GLYATL3: variants seen among roughly 807,000 people sequenced by gnomAD.
The protein encoded by GLYATL3 is glycine-N-acyltransferase like 3.
A neutral mutation model predicts 28.5 loss-of-function variants in GLYATL3; 31 were observed. The ratio of observed to expected loss-of-function variants is 1.09; its 90% confidence interval spans 0.82 to 1.47. GLYATL3 has a LOEUF of 1.47. Ranked by LOEUF, GLYATL3 falls within the 40% of genes most tolerant of loss-of-function variation. The pLI, the probability that GLYATL3 is intolerant of heterozygous loss-of-function variation, is 0.00. For missense variants in GLYATL3, 369 were observed against 351.5 expected (o/e 1.05, Z -0.40); for synonymous variants, 141 against 140.2 (o/e 1.01, Z -0.04).
intron 1 of GLYATL3, among the ~76,000 whole-genome samples, chr6:49,510,577 C>T (rs772351657): frequency 5.3e-5 from 8 of 152,072 alleles, no homozygotes. Context: ...AAATGTATTT[C>T]AAATAAGTAT....
chr6:49,523,452 C>T (rs1769350487), intron 5 of GLYATL3, among the ~76,000 whole-genome samples: 1 of 152,180 alleles, frequency 6.6e-6, no homozygotes, highest in Admixed American at 6.5e-5. Context: ...ATTTCCTAGA[C>T]TCGCAGAAGG....
At chr6:49,505,574 A>G (rs1561975600) in intron 1 of GLYATL3, among the ~76,000 whole-genome samples, 1 of 152,240 alleles carries the variant, frequency 6.6e-6, no homozygotes, top group Non-Finnish European at 1.5e-5. Context: ...TTTCCTAGAA[A>G]TTGAAAGAAT....
chr6:49,511,413 G>A (rs534573643), intron 1 of GLYATL3, among the ~76,000 whole-genome samples: 3 of 151,960 alleles, frequency 2.0e-5, no homozygotes, highest in Admixed American at 6.6e-5. Flanking sequence ...TCCTCATAAC[G>A]ACCCGACCCA....
chr6:49,526,509 A>AAT lies in GLYATL3; in HGVS notation c.463_464insTA (p.Thr155IlefsTer4), dbSNP rs1769416526. ...CTAGCAAGGGGCCTTCCCCACGACT[A>AAT]ACCTACCTGAGTGTTGCCAATGCGG... is the stretch of plus-strand genomic sequence containing the variant. On this transcript the variant is annotated frameshift_variant, in exon 6 of 6. Transcript: ENST00000371197. LOFTEE classifies it high-confidence loss of function. The AAT allele has an allele frequency of 6.4e-7, 1 of 1,551,510 alleles. No homozygotes were observed. The highest frequency in any genetic ancestry group is 1.4e-5 in the African/African-American group (1 of 73,046).
intron 1 of GLYATL3, among the ~76,000 whole-genome samples, chr6:49,506,664 C>T (rs1554164704): frequency 2.6e-5 from 4 of 151,900 alleles, no homozygotes; most frequent in Non-Finnish European, 5.9e-5. Context: ...ATTTTCCTGA[C>T]TTTTTTTTGT....
Position 49,515,697 on chromosome 6 carries a change from A to G in GLYATL3, c.123A>G (p.Gln41=). Residue 41 remains glutamine, a synonymous_variant, in exon 3 of 6, where the codon CAA becomes CAG. Transcript: ENST00000371197. ...ACATAAATCGTGGGAACCCCTTTCAAAAGGAAGTGGTGTTGGATTCATGGC... is the reference window on the plus strand; with the variant it reads ...ACATAAATCGTGGGAACCCCTTTCAGAAGGAAGTGGTGTTGGATTCATGGC... The part of the protein sequence containing the change: ...VMNINRGNPF[Q]KEVVLDSWPD... 1 of 1,551,498 alleles carries G rather than the reference A, an allele frequency of 6.4e-7. No individual in the cohort carries two copies. Among genetic ancestry groups the G allele is most frequent in the Non-Finnish European group, 8.7e-7 (1 of 1,146,732 alleles).
intron 1 of GLYATL3, among the ~76,000 whole-genome samples, chr6:49,509,494 G>T (rs1422747520): frequency 6.6e-6 from 1 of 152,116 alleles, no homozygotes; most frequent in Non-Finnish European, 1.5e-5. Flanking sequence ...ACCAATAAGT[G>T]CTATGCTTTT....
At chr6:49,512,669 T>C (rs1769146281) in intron 2 of GLYATL3, among the ~76,000 whole-genome samples, 1 of 152,178 alleles carries the variant, frequency 6.6e-6, no homozygotes, top group African/African-American at 2.4e-5. Flanking sequence ...GAAATTGCCT[T>C]TAAGAGCTGA....
intron 1 of GLYATL3, among the ~76,000 whole-genome samples, chr6:49,511,270 T>A (rs1331456571): frequency 1.3e-5 from 2 of 152,206 alleles, no homozygotes; most frequent in South Asian, 4.1e-4. Context: ...TCTAATTGCA[T>A]GAGAACAGAT....
chr6:49,523,184 G>C (rs570963371), intron 5 of GLYATL3, among the ~76,000 whole-genome samples: 2 of 152,286 alleles, frequency 1.3e-5, no homozygotes, highest in Non-Finnish European at 2.9e-5. Flanking sequence ...GAGGAAGCCA[G>C]GCACAAGCTT....
intron 5 of GLYATL3, among the ~76,000 whole-genome samples, chr6:49,526,086 C>T (rs1769406205): frequency 1.3e-5 from 2 of 152,118 alleles, no homozygotes; most frequent in Non-Finnish European, 2.9e-5. Flanking sequence ...TAGGTGCCCT[C>T]TCAGGGATGG....
At chr6:49,509,614 G>A (rs928675298) in intron 1 of GLYATL3, among the ~76,000 whole-genome samples, 4 of 152,230 alleles carry the variant, frequency 2.6e-5, no homozygotes, top group Non-Finnish European at 4.4e-5. Context: ...CAAACAAGAA[G>A]ACAGAGCATT....
rs1769315255 is a variant in GLYATL3 at position 49,521,523 on chromosome 6, A to T, written c.314-122A>T. On this transcript the variant is annotated intron_variant, in intron 4 of 5. Coordinates refer to ENST00000371197, the MANE Select transcript of GLYATL3 (RefSeq NM_001010904.2). ...TAGATGTAAGTATACAGTGGTTAGG[A>T]TAATACAAGGTGGCAAACTGCTAGT... 11 of 758,704 alleles carry T rather than the reference A, an allele frequency of 1.4e-5. No homozygotes were observed. The South Asian group carries it at 2.1e-4, about 15-fold the overall frequency. The allele number at this position is 758,704 out of a possible 1,614,324, so 47.0% of individuals were successfully genotyped here. A position where few individuals can be genotyped will look rare whatever the true frequency, so the allele number is the denominator to read the frequency against.
chr6:49,511,415 C>T (rs1041651969), intron 1 of GLYATL3, among the ~76,000 whole-genome samples: 1 of 152,156 alleles, frequency 6.6e-6, no homozygotes, highest in Non-Finnish European at 1.5e-5. Flanking sequence ...CTCATAACGA[C>T]CCGACCCACT....
intron 2 of GLYATL3, among the ~76,000 whole-genome samples, chr6:49,512,595 C>T (rs1421607965): frequency 6.6e-6 from 1 of 152,092 alleles, no homozygotes; most frequent in East Asian, 1.9e-4. Context: ...GGTGGCACTG[C>T]AGTTAAGAAC....
intron 5 of GLYATL3, among the ~76,000 whole-genome samples, chr6:49,523,185 G>C (rs989982460): frequency 6.6e-6 from 1 of 152,146 alleles, no homozygotes; most frequent in South Asian, 2.1e-4. Context: ...AGGAAGCCAG[G>C]CACAAGCTTC....
chr6:49,527,405 C>T lies in GLYATL3; in HGVS notation c.*491C>T, dbSNP rs867771660. Among the ~76,000 whole-genome samples, 1 of 152,176 alleles carries T rather than the reference C, an allele frequency of 6.6e-6. No homozygotes were observed. The highest frequency in any genetic ancestry group is 2.1e-4 in the South Asian group (1 of 4,822). On this transcript the variant is annotated 3_prime_UTR_variant, in exon 6 of 6. Coordinates refer to ENST00000371197, the MANE Select transcript of GLYATL3 (RefSeq NM_001010904.2). Reference sequence around the variant, plus strand: ...TGCCACCAAGTTCTCTGTAGAGTAACCTCCTTTTTCCCCTTTAATTACTTG... The same window carrying T: ...TGCCACCAAGTTCTCTGTAGAGTAATCTCCTTTTTCCCCTTTAATTACTTG...
At chr6:49,517,354 C>T (rs577649637) in intron 3 of GLYATL3, 76 bp from the exon 4 acceptor site, 72 of 1,276,540 alleles carry the variant, frequency 5.6e-5, no homozygotes, top group South Asian at 5.5e-4. Flanking sequence ...GTCCAGCTAA[C>T]GGTATCTAAT....
At chr6:49,517,870 G>A (rs1769245697) in intron 4 of GLYATL3, among the ~76,000 whole-genome samples, 1 of 152,118 alleles carries the variant, frequency 6.6e-6, no homozygotes, top group Non-Finnish European at 1.5e-5. Flanking sequence ...GTGAGAATCA[G>A]AGAATATTTT....
Sources: allele counts gnomAD v4.1 joint callset (sites outside exome capture counted in the v4.1 genomes callset), GRCh38; gene constraint gnomAD v4.1.1; transcripts MANE v1.5; gene names NCBI Gene and HGNC (gene_info 2026-07-23, HGNC 2026-07-21).